Variants in RMDN2 observed in about 807,000 individuals in gnomAD.
The protein encoded by RMDN2 is regulator of microtubule dynamics protein 2.
RMDN2 carries 61 observed loss-of-function variants against 52.8 expected under a neutral mutation model. The observed-to-expected ratio is 1.16, with a 90% CI of 0.94 to 1.43. The LOEUF (loss-of-function observed/expected upper bound fraction) is 1.43, where lower values mean the gene tolerates loss of function less well. Among genes scored for constraint, RMDN2 ranks in the 40% most tolerant of loss-of-function variants. The pLI is 0.00. For missense variants in RMDN2, 592 were observed against 475.3 expected (o/e 1.25, Z -2.28); for synonymous variants, 180 against 153.1 (o/e 1.18, Z -1.30).
intron 5 of RMDN2, 35 bp downstream of exon 5, chr2:37,981,378 C>T (rs765674946): frequency 1.5e-6 from 2 of 1,313,936 alleles, no homozygotes; most frequent in Non-Finnish European, 2.2e-6. Flanking sequence ...CTTTTAAATT[C>T]TAACCTGCCT....
intron 10 of RMDN2, among the ~76,000 whole-genome samples, chr2:38,024,757 A>G (rs1383252621): frequency 2.6e-5 from 4 of 152,294 alleles, no homozygotes; most frequent in Admixed American, 2.0e-4. Flanking sequence ...AACATATCTA[A>G]TGAAGTTTTG....
intron 10 of RMDN2, among the ~76,000 whole-genome samples, chr2:38,065,383 A>G (rs953972973): frequency 1.3e-5 from 2 of 152,182 alleles, no homozygotes; most frequent in Non-Finnish European, 2.9e-5. Context: ...TTTTAAAAAA[A>G]AAAAGAAAAA....
In RMDN2 at chr2:37,951,500, T is replaced by G. The variant is rs143396477; in HGVS notation, c.452+21771T>G. ...ATGCTTCCCCTTACTGGCAACAAAGTAGAGCTAACTTTGATTCTGAAGAAG... is the reference window on the plus strand; with the variant it reads ...ATGCTTCCCCTTACTGGCAACAAAGGAGAGCTAACTTTGATTCTGAAGAAG... On this transcript the variant is annotated intron_variant, in intron 2 of 10. Transcript: ENST00000354545. The G allele has an allele frequency of 1.2e-6, 2 of 1,612,018 alleles. No individual in the cohort carries two copies. The highest frequency in any genetic ancestry group is 1.7e-6 in the Non-Finnish European group (2 of 1,179,720).
chr2:38,021,426 A>G (rs191817352), downstream of RMDN2, among the ~76,000 whole-genome samples: 372 of 152,218 alleles, frequency 2.4e-3, 4 homozygotes, highest in Middle Eastern at 0.01. Flanking sequence ...GCTCTTTGCA[A>G]TAAATCTTGC....
rs377415218 is a variant in RMDN2 at position 37,991,201 on chromosome 2, C to A, written c.868-19C>A. The A allele has an allele frequency of 1.4e-6, 2 of 1,476,356 alleles. No homozygotes were observed. The highest frequency in any genetic ancestry group is 1.9e-6 in the Non-Finnish European group (2 of 1,079,678). 91.5% of individuals were successfully genotyped at this position (1,476,356 alleles called of 1,614,324 possible). ...ATCTGAAACTTGGGAGATGATTTTC[C>A]TTTGGATGCTTTTTTCAGGAACATC... On this transcript the variant is annotated intron_variant, in intron 6 of 10. Transcript: ENST00000354545.
upstream of RMDN2, among the ~76,000 whole-genome samples, chr2:37,921,039 T>C (rs1477368172): frequency 6.6e-6 from 1 of 152,248 alleles, no homozygotes; most frequent in African/African-American, 2.4e-5. Flanking sequence ...CTAATAAGAA[T>C]TCTATATCTT....
chr2:37,979,802 C>T (rs547785180), intron 4 of RMDN2, among the ~76,000 whole-genome samples: 65 of 152,132 alleles, frequency 4.3e-4, no homozygotes, highest in Non-Finnish European at 6.9e-4. Context: ...TTTCAGGCTT[C>T]TGGCAGTACG....
downstream of RMDN2, among the ~76,000 whole-genome samples, chr2:38,018,616 C>T (rs74982181): frequency 6.9e-3 from 1,056 of 152,272 alleles, 6 homozygotes; most frequent in African/African-American, 0.024. Context: ...AAAAATAGTA[C>T]ATACATAGGA....
chr2:37,924,660 C>A (rs989739832), upstream of RMDN2, among the ~76,000 whole-genome samples: 4 of 152,238 alleles, frequency 2.6e-5, no homozygotes, highest in Non-Finnish European at 4.4e-5. Flanking sequence ...ACCCACCGCG[C>A]CCGGCCCAGT....
intron 2 of RMDN2, chr2:37,952,004 C>G (rs1668881702): frequency 1.9e-6 from 3 of 1,612,696 alleles, no homozygotes; most frequent in South Asian, 2.2e-5. Context: ...ATTCTCCAAT[C>G]ATGATTCCAC....
intron 2 of RMDN2, chr2:37,951,097 T>G: frequency 1.2e-6 from 1 of 820,902 alleles, no homozygotes; most frequent in Non-Finnish European, 1.9e-6. Flanking sequence ...TCTTATTCCC[T>G]GCTGTTTTCA....
At chr2:38,057,916 C>G (rs1328156697) in intron 10 of RMDN2, among the ~76,000 whole-genome samples, 2 of 152,210 alleles carry the variant, frequency 1.3e-5, no homozygotes, top group Non-Finnish European at 2.9e-5. Context: ...TCTGTACAGC[C>G]TGCAGAACCG....
intron 4 of RMDN2, among the ~76,000 whole-genome samples, chr2:37,979,024 G>A (rs1026233143): frequency 6.6e-6 from 1 of 152,094 alleles, no homozygotes; most frequent in Non-Finnish European, 1.5e-5. Flanking sequence ...AGGGAATTCA[G>A]GGGCTAAAAT....
intron 2 of RMDN2, among the ~76,000 whole-genome samples, chr2:37,939,740 T>C (rs1435812382): frequency 6.6e-6 from 1 of 152,190 alleles, no homozygotes; most frequent in Non-Finnish European, 1.5e-5. Context: ...CCATTTGCTT[T>C]GTAAATCATC....
rs367930713 is a variant in RMDN2, at chr2:37,958,191, G to A, written c.453-15849G>A. On this transcript the variant is annotated intron_variant, in intron 2 of 10. Transcript: ENST00000354545. ...TTCTAATTCTGTGAAGAAAGTCAAT[G>A]GTAGCTTGATGGGAATAGCATTAAA... 8.5e-5 allele frequency among the ~76,000 whole-genome samples: 13 copies of A among 152,276 alleles called. No homozygotes were observed. The South Asian group carries it at 1.2e-3, about 15-fold the overall frequency.
chr2:37,994,977 G>C (rs1174292722), intron 7 of RMDN2, among the ~76,000 whole-genome samples: 1 of 152,034 alleles, frequency 6.6e-6, no homozygotes, highest in East Asian at 1.9e-4. Flanking sequence ...ATTTGTGTAG[G>C]GCTAGGAGCA....
chr2:37,932,686 G>A (rs2124898299), intron 2 of RMDN2, among the ~76,000 whole-genome samples: 1 of 143,234 alleles, frequency 7.0e-6, no homozygotes, highest in African/African-American at 2.6e-5. Flanking sequence ...CCGGGCGGGG[G>A]GCTGACCCCC....
chr2:37,994,893 G>T (rs571427671), intron 7 of RMDN2, among the ~76,000 whole-genome samples: 1 of 152,148 alleles, frequency 6.6e-6, no homozygotes, highest in Non-Finnish European at 1.5e-5. Flanking sequence ...GCATTATGCC[G>T]AGAAAGCTCA....
intron 10 of RMDN2, among the ~76,000 whole-genome samples, chr2:38,045,858 A>G (rs1382620381): frequency 2.0e-5 from 3 of 152,234 alleles, no homozygotes; most frequent in Admixed American, 6.5e-5. Context: ...ATGGCAAAGC[A>G]TGTTTATGGC....
Sources: allele counts gnomAD v4.1 joint callset (sites outside exome capture counted in the v4.1 genomes callset), GRCh38; gene constraint gnomAD v4.1.1; transcripts MANE v1.5; gene names NCBI Gene and HGNC (gene_info 2026-07-23, HGNC 2026-07-21).